ABTB3: variants seen among roughly 807,000 people sequenced by gnomAD.
The protein encoded by ABTB3 is ankyrin repeat and BTB domain containing 3, also known as ankyrin repeat- and BTB/POZ domain-containing protein 3.
chr12:107,445,169 T>A, the ABTB3 span, among the ~76,000 whole-genome samples: 1 of 152,228 alleles, frequency 6.6e-6, no homozygotes, highest in Non-Finnish European at 1.5e-5. Context: ...ATTGTCATCA[T>A]GTGTCAAGTC....
the ABTB3 span, among the ~76,000 whole-genome samples, chr12:107,485,465 C>T: frequency 6.7e-3 from 1,015 of 152,258 alleles, 21 homozygotes; most frequent in African/African-American, 0.023. Flanking sequence ...TCTTCTGACT[C>T]TTGGCCCTTT....
At chr12:107,483,430 C>T in the ABTB3 span, among the ~76,000 whole-genome samples, 1 of 152,148 alleles carries the variant, frequency 6.6e-6, no homozygotes, top group Non-Finnish European at 1.5e-5. Flanking sequence ...GGTCCCTGCT[C>T]TTCCCTGGGG....
the ABTB3 span, chr12:107,612,816 G>A: frequency 1.9e-6 from 3 of 1,613,840 alleles, no homozygotes; most frequent in Non-Finnish European, 2.5e-6. Flanking sequence ...CGTCCGTGGG[G>A]ACGAGGCGAT....
the ABTB3 span, among the ~76,000 whole-genome samples, chr12:107,587,278 T>C: frequency 6.6e-6 from 1 of 152,226 alleles, no homozygotes; most frequent in Non-Finnish European, 1.5e-5. Flanking sequence ...CCGATCTATA[T>C]TTTAGAAAGA....
At chr12:107,404,670 C>T in the ABTB3 span, among the ~76,000 whole-genome samples, 6 of 152,072 alleles carry the variant, frequency 3.9e-5, no homozygotes, top group African/African-American at 7.2e-5. Context: ...GGTTTTCTAC[C>T]GGTTTGGGGA....
At chr12:107,501,752 GA>G in the ABTB3 span, among the ~76,000 whole-genome samples, 788 of 151,096 alleles carry the variant, frequency 5.2e-3, 3 homozygotes, top group Non-Finnish European at 8.4e-3. Flanking sequence ...GCCTGTTCTG[GA>G]AAAAAAAATG....
chr12:107,649,150 T>G, the ABTB3 span: 1 of 1,501,434 alleles, frequency 6.7e-7, no homozygotes, highest in Admixed American at 1.7e-5. Flanking sequence ...ATCCACCGAA[T>G]GGCTTTGAGA....
At chr12:107,377,510 A>T in the ABTB3 span, among the ~76,000 whole-genome samples, 3 of 151,584 alleles carry the variant, frequency 2.0e-5, no homozygotes, top group Non-Finnish European at 4.4e-5. Context: ...GGGAATCCCA[A>T]CTTGCCTCAG....
the ABTB3 span, among the ~76,000 whole-genome samples, chr12:107,426,976 C>G: frequency 6.6e-6 from 1 of 152,200 alleles, no homozygotes; most frequent in African/African-American, 2.4e-5. Context: ...CCCCCACTGC[C>G]CCAAGAGCCA....
At chr12:107,369,707 G>GTTT in the ABTB3 span, among the ~76,000 whole-genome samples, 2 of 76,146 alleles carry the variant, frequency 2.6e-5, no homozygotes, top group African/African-American at 1.3e-4. Context: ...CCCAAACATG[G>GTTT]TTTTTTTTTT....
At chr12:107,580,294 T>C in the ABTB3 span, among the ~76,000 whole-genome samples, 251 of 152,358 alleles carry the variant, frequency 1.6e-3, no homozygotes, top group African/African-American at 5.6e-3. Flanking sequence ...TCCAAAATCT[T>C]CTCCAGTAAT....
At chr12:107,565,655 T>A in the ABTB3 span, among the ~76,000 whole-genome samples, 1 of 152,204 alleles carries the variant, frequency 6.6e-6, no homozygotes, top group Non-Finnish European at 1.5e-5. Flanking sequence ...AGATCTGCTT[T>A]GGTTCTTCCT....
chr12:107,410,303 G>T, the ABTB3 span, among the ~76,000 whole-genome samples: 1 of 151,910 alleles, frequency 6.6e-6, no homozygotes, highest in Admixed American at 6.6e-5. Flanking sequence ...AAAAGTACAA[G>T]GTGCTGGGTC....
the ABTB3 span, among the ~76,000 whole-genome samples, chr12:107,620,721 T>C: frequency 6.6e-6 from 1 of 152,184 alleles, no homozygotes; most frequent in Non-Finnish European, 1.5e-5. Flanking sequence ...CAAATGAACC[T>C]AGCTCTGACC....
chr12:107,580,970 T>C, the ABTB3 span: 1 of 1,551,630 alleles, frequency 6.4e-7, no homozygotes, highest in Non-Finnish European at 8.7e-7. Flanking sequence ...GCGGTCCGGA[T>C]GTCTCCAAAG....
At chr12:107,569,353 G>A in the ABTB3 span, among the ~76,000 whole-genome samples, 2 of 152,140 alleles carry the variant, frequency 1.3e-5, no homozygotes, top group African/African-American at 2.4e-5. Flanking sequence ...TTTGAGATGT[G>A]TTTCTGACTC....
the ABTB3 span, among the ~76,000 whole-genome samples, chr12:107,532,675 T>C: frequency 6.6e-6 from 1 of 152,048 alleles, no homozygotes; most frequent in Non-Finnish European, 1.5e-5. Flanking sequence ...AGCTCAAAGA[T>C]CTCCAAATAG....
chr12:107,443,688 T>C, the ABTB3 span, among the ~76,000 whole-genome samples: 1 of 148,108 alleles, frequency 6.8e-6, no homozygotes. Flanking sequence ...AGCGTCGTGT[T>C]GGGAATAGAT....
the ABTB3 span, among the ~76,000 whole-genome samples, chr12:107,375,422 A>AATCATC: frequency 2.0e-3 from 290 of 148,390 alleles, 1 homozygote; most frequent in East Asian, 5.6e-3. Flanking sequence ...TGGTGTCAGA[A>AATCATC]ATCATCATCA....
Sources: allele counts gnomAD v4.1 joint callset (sites outside exome capture counted in the v4.1 genomes callset), GRCh38; gene constraint gnomAD v4.1.1; transcripts MANE v1.5; gene names NCBI Gene and HGNC (gene_info 2026-07-23, HGNC 2026-07-21).